Variants in FHOD3 observed in about 807,000 individuals in gnomAD.
The protein encoded by FHOD3 is formin homology 2 domain containing 3.
Under a neutral mutation model 173.0 loss-of-function variants are expected in FHOD3, and 90 were observed. That is an observed-to-expected ratio of 0.52 (90% CI 0.44 to 0.62). FHOD3 has a LOEUF of 0.62. FHOD3 is among the 20% of genes least tolerant of loss of function. FHOD3 has a pLI of 0.00. For missense variants in FHOD3, 1,945 were observed against 2,034.7 expected, an observed-to-expected ratio of 0.96 and a Z score of 0.85; for synonymous variants, 828 against 823.0, an observed-to-expected ratio of 1.01 and a Z score of -0.10.
intron 6 of FHOD3, among the ~76,000 whole-genome samples, chr18:36,593,150 A>G (rs1214770764): frequency 3.3e-5 from 5 of 152,218 alleles, no homozygotes; most frequent in African/African-American, 4.8e-5. Context: ...TAGTTGTCAC[A>G]TGGTGCTGAG....
chr18:36,369,933 C>A (rs1280656673), intron 2 of FHOD3, among the ~76,000 whole-genome samples: 1 of 152,190 alleles, frequency 6.6e-6, no homozygotes, highest in South Asian at 2.1e-4. Context: ...TTCAACCCTG[C>A]TTCTGTTTCC....
At chr18:36,575,817 G>A (rs1402659633) in intron 5 of FHOD3, among the ~76,000 whole-genome samples, 5 of 152,100 alleles carry the variant, frequency 3.3e-5, no homozygotes, top group African/African-American at 1.2e-4. Flanking sequence ...AATAATGATG[G>A]TATATGGTGA....
chr18:36,552,701 T>C (rs2057710774), intron 5 of FHOD3, among the ~76,000 whole-genome samples: 1 of 152,062 alleles, frequency 6.6e-6, no homozygotes, highest in African/African-American at 2.4e-5. Context: ...GGTTTCACTG[T>C]GTTAGCCAGG....
intron 1 of FHOD3, among the ~76,000 whole-genome samples, chr18:36,300,275 G>C (rs1364314306): frequency 6.6e-6 from 1 of 152,178 alleles, no homozygotes; most frequent in Non-Finnish European, 1.5e-5. Context: ...TGGGAACCAG[G>C]TATATGGCTG....
At chr18:36,691,292 T>A (rs1745609219) in intron 16 of FHOD3, among the ~76,000 whole-genome samples, 1 of 152,224 alleles carries the variant, frequency 6.6e-6, no homozygotes. Context: ...CTCATTTGAT[T>A]TCTTGCAGTG....
intron 14 of FHOD3, among the ~76,000 whole-genome samples, chr18:36,672,416 C>T (rs369239539): frequency 2.6e-5 from 4 of 152,124 alleles, no homozygotes; most frequent in Non-Finnish European, 5.9e-5. Flanking sequence ...GTCAGCCGGT[C>T]GTTGATCATC....
At chr18:36,414,766 TCA>T (rs1391916313) in intron 3 of FHOD3, among the ~76,000 whole-genome samples, 1 of 152,114 alleles carries the variant, frequency 6.6e-6, no homozygotes, top group Non-Finnish European at 1.5e-5. Flanking sequence ...GTTTTAACCC[TCA>T]CAGCCTGCCA....
intron 15 of FHOD3, among the ~76,000 whole-genome samples, chr18:36,686,296 C>T (rs996850981): frequency 3.3e-5 from 5 of 151,922 alleles, no homozygotes; most frequent in Non-Finnish European, 4.4e-5. Context: ...AGATCACATC[C>T]TTCGCAAGGA....
At chr18:36,582,466 G>C (rs1436404915) in intron 6 of FHOD3, among the ~76,000 whole-genome samples, 2 of 152,186 alleles carry the variant, frequency 1.3e-5, no homozygotes, top group Non-Finnish European at 2.9e-5. Flanking sequence ...CATTTGCCTA[G>C]GTTGCCCAGG....
intron 9 of FHOD3, among the ~76,000 whole-genome samples, chr18:36,619,667 A>T (rs1029901401): frequency 7.2e-5 from 11 of 152,248 alleles, no homozygotes; most frequent in African/African-American, 2.7e-4. Flanking sequence ...GCCAGGCACT[A>T]TTCTAGCCCT....
intron 1 of FHOD3, among the ~76,000 whole-genome samples, chr18:36,322,628 C>T (rs1272401552): frequency 6.6e-6 from 1 of 152,100 alleles, no homozygotes; most frequent in East Asian, 1.9e-4. Context: ...TGCTGCTGCT[C>T]ATCACCTGCA....
chr18:36,740,005 G>T (rs1221940413), intron 20 of FHOD3, among the ~76,000 whole-genome samples: 2 of 152,146 alleles, frequency 1.3e-5, no homozygotes, highest in African/African-American at 4.8e-5. Context: ...GTAGACATGA[G>T]AATTTTTACT....
intron 1 of FHOD3, 54 bp downstream of exon 1, chr18:36,298,054 G>A (rs1312148435): frequency 2.9e-6 from 4 of 1,398,204 alleles, no homozygotes; most frequent in East Asian, 3.1e-5. Flanking sequence ...CTGCCGCGGT[G>A]CGCGCCGGGG....
At chr18:36,604,107 G>C (rs2031772456) in intron 8 of FHOD3, among the ~76,000 whole-genome samples, 1 of 152,138 alleles carries the variant, frequency 6.6e-6, no homozygotes. Flanking sequence ...GGCCCATGCT[G>C]ACCCAGAACA....
intron 19 of FHOD3, among the ~76,000 whole-genome samples, chr18:36,721,018 T>C (rs963868715): frequency 1.3e-5 from 2 of 152,152 alleles, no homozygotes; most frequent in Non-Finnish European, 2.9e-5. Flanking sequence ...CCTCCCTCCT[T>C]CTCTTGGTCC....
intron 28 of FHOD3, among the ~76,000 whole-genome samples, chr18:36,775,331 A>G (rs1385676688): frequency 6.6e-6 from 1 of 152,206 alleles, no homozygotes; most frequent in Non-Finnish European, 1.5e-5. Flanking sequence ...GTCACCTGAA[A>G]GTAAAGTTGG....
At chr18:36,529,169 T>C (rs746551850) in intron 5 of FHOD3, among the ~76,000 whole-genome samples, 4 of 152,236 alleles carry the variant, frequency 2.6e-5, no homozygotes, top group Non-Finnish European at 5.9e-5. Context: ...TTGTTTAACT[T>C]GAATATGCTT....
At position 36,744,193 on chromosome 18, in the gene FHOD3, G is replaced by A. The variant is rs1197941660; in HGVS notation, c.4041G>A (p.Lys1347=). 6.2e-7 allele frequency: 1 copy of A among 1,611,926 alleles called. No individual in the cohort carries two copies. The highest frequency in any genetic ancestry group is 1.7e-5 in the Admixed American group (1 of 59,692). The change falls in exon 23 of 29, where the codon AAG becomes AAA. Residue 1347 remains lysine (K), a splice_region_variant and synonymous_variant. Transcript: ENST00000590592. ...SEIGAITRSA[K]VDFDQLQDNL... ...TCGGGGCCATCACCAGGTCAGCCAA[G>A]GTATGTCTGTGGACGCTGAGGAGTG...
intron 3 of FHOD3, among the ~76,000 whole-genome samples, chr18:36,442,732 T>A (rs1253039178): frequency 2.0e-5 from 3 of 152,196 alleles, no homozygotes; most frequent in African/African-American, 7.2e-5. Context: ...GTCAAGACAT[T>A]AACATTGATG....
Sources: allele counts gnomAD v4.1 joint callset (sites outside exome capture counted in the v4.1 genomes callset), GRCh38; gene constraint gnomAD v4.1.1; transcripts MANE v1.5; gene names NCBI Gene and HGNC (gene_info 2026-07-23, HGNC 2026-07-21).